The following ITPR1 variants were observed in gnomAD, a reference collection of about 807,000 sequenced individuals.
The protein encoded by ITPR1 is inositol 1,4,5-trisphosphate-gated calcium channel ITPR1.
ITPR1 carries 96 observed loss-of-function variants against 318.4 expected under a neutral mutation model. The observed-to-expected ratio is 0.30, with a 90% CI of 0.26 to 0.36. ITPR1 has a LOEUF of 0.36. ITPR1 is among the 10% of genes least tolerant of loss of function. ITPR1 has a pLI of 1.00. For missense variants in ITPR1, 2,440 were observed against 3,460.2 expected, an observed-to-expected ratio of 0.71 and a Z score of 7.40; for synonymous variants, 1,312 against 1,289.9, an observed-to-expected ratio of 1.02 and a Z score of -0.37.
chr3:4,756,090 G>A (rs2044952642), intron 44 of ITPR1, among the ~76,000 whole-genome samples: 1 of 152,188 alleles, frequency 6.6e-6, no homozygotes, highest in South Asian at 2.1e-4. Flanking sequence ...AATGCCCATT[G>A]TACTCACTAT....
chr3:4,561,042 T>C (rs565905699), intron 4 of ITPR1, among the ~76,000 whole-genome samples: 3 of 152,324 alleles, frequency 2.0e-5, no homozygotes, highest in African/African-American at 4.8e-5. Context: ...GAGATGTCCA[T>C]AGAACGAGGA....
intron 15 of ITPR1, 23 bp downstream of exon 15, chr3:4,662,265 C>A: frequency 1.3e-6 from 2 of 1,544,894 alleles, no homozygotes; most frequent in South Asian, 1.3e-5. Flanking sequence ...GCATGCTCAG[C>A]ACAGCCGCCC....
chr3:4,704,008 G>A (rs1158025974), intron 36 of ITPR1, among the ~76,000 whole-genome samples: 1 of 152,164 alleles, frequency 6.6e-6, no homozygotes, highest in Non-Finnish European at 1.5e-5. Flanking sequence ...TGTGGAAGTA[G>A]AAAGCCAAAT....
intron 6 of ITPR1, among the ~76,000 whole-genome samples, chr3:4,640,729 C>T (rs2093317911): frequency 6.6e-6 from 1 of 152,232 alleles, no homozygotes; most frequent in Non-Finnish European, 1.5e-5. Context: ...GTAATGGCAT[C>T]TGCTCTTTAG....
At chr3:4,636,814 T>G (rs894270460) in intron 5 of ITPR1, among the ~76,000 whole-genome samples, 12 of 152,262 alleles carry the variant, frequency 7.9e-5, no homozygotes, top group Non-Finnish European at 2.9e-5. Flanking sequence ...GCCTTTCATA[T>G]GTCTTTTGAC....
chr3:4,582,269 C>T (rs371856921), intron 4 of ITPR1, among the ~76,000 whole-genome samples: 5 of 152,206 alleles, frequency 3.3e-5, no homozygotes, highest in African/African-American at 1.2e-4. Context: ...TAGACTTGTT[C>T]GAACATGCCA....
rs1245929222 is a variant in ITPR1 at position 4,723,869 on chromosome 3, T to C, written c.5137-1677T>C. ...CTTCTGTCTATATCTCTGTCTGCTC[T>C]AAAATGCATGGGAAATTGCTTTAAT... On this transcript the variant is annotated intron_variant, in intron 40 of 61. Transcript: ENST00000649015. Among the ~76,000 whole-genome samples, 6 of 152,280 alleles carry C rather than the reference T, an allele frequency of 3.9e-5. No homozygotes were observed. The East Asian group carries it at 7.7e-4, about 20-fold the overall frequency.
intron 5 of ITPR1, among the ~76,000 whole-genome samples, chr3:4,634,553 T>C (rs1474752582): frequency 6.6e-6 from 1 of 152,134 alleles, no homozygotes; most frequent in Non-Finnish European, 1.5e-5. Context: ...GATGAAGGTG[T>C]TTTTGAAGAA....
chr3:4,764,854 T>TG (rs1224700937), intron 44 of ITPR1, among the ~76,000 whole-genome samples: 1 of 152,104 alleles, frequency 6.6e-6, no homozygotes, highest in African/African-American at 2.4e-5. Flanking sequence ...GTCAATTTCA[T>TG]GGGGGAAAGG....
At chr3:4,503,692 A>C (rs1408752352) in intron 2 of ITPR1, among the ~76,000 whole-genome samples, 2 of 151,934 alleles carry the variant, frequency 1.3e-5, no homozygotes, top group Non-Finnish European at 2.9e-5. Context: ...CTGCCCCACC[A>C]CACACACACG....
intron 42 of ITPR1, among the ~76,000 whole-genome samples, chr3:4,732,783 A>C (rs1190975998): frequency 6.6e-6 from 1 of 152,052 alleles, no homozygotes; most frequent in Non-Finnish European, 1.5e-5. Context: ...TTATCAACTT[A>C]CCCCAAAGAG....
rs1462654235 is a variant in ITPR1, at chr3:4,498,522, G to A, written c.-17+4016G>A. The stretch of plus-strand genomic sequence containing the variant: ...TTTGCAGGTCAACAGTGGTTTATCT[G>A]AGGACTTGTAAACTCTCACGGAATT... On this transcript the variant is annotated intron_variant, in intron 2 of 61. Transcript: ENST00000649015. 3.9e-5 allele frequency among the ~76,000 whole-genome samples: 6 copies of A among 152,320 alleles called. No homozygotes were observed. In the East Asian group the frequency reaches 1.2e-3, roughly 29 times the overall value.
chr3:4,766,407 TA>T, intron 44 of ITPR1, 122 bp from the exon 45 acceptor site: 1 of 736,378 alleles, frequency 1.4e-6, no homozygotes, highest in Non-Finnish European at 2.3e-6. Context: ...AATGTTGATC[TA>T]AACTTAGATC....
chr3:4,684,184 A>C, intron 28 of ITPR1, 97 bp from the exon 29 acceptor site: 2 of 788,430 alleles, frequency 2.5e-6, no homozygotes, highest in East Asian at 5.3e-5. Flanking sequence ...AACAGTATAG[A>C]ACTCCCTTTC....
chr3:4,647,483 G>A (rs576524901), intron 10 of ITPR1, among the ~76,000 whole-genome samples: 2 of 152,278 alleles, frequency 1.3e-5, no homozygotes, highest in Middle Eastern at 3.4e-3. Context: ...GTATGGTATG[G>A]CATGGTATAT....
intron 53 of ITPR1, among the ~76,000 whole-genome samples, chr3:4,799,288 T>C (rs564919540): frequency 5.2e-5 from 8 of 152,384 alleles, no homozygotes; most frequent in Non-Finnish European, 8.8e-5. Flanking sequence ...AAGCGGCACA[T>C]GTGCCTCAAT....
intron 49 of ITPR1, among the ~76,000 whole-genome samples, chr3:4,780,737 G>T (rs1359544901): frequency 6.6e-6 from 1 of 152,172 alleles, no homozygotes; most frequent in Non-Finnish European, 1.5e-5. Flanking sequence ...AGGCCTCTCT[G>T]AGTTTACATA....
At chr3:4,732,055 A>G (rs576236967) in intron 42 of ITPR1, among the ~76,000 whole-genome samples, 23 of 152,266 alleles carry the variant, frequency 1.5e-4, no homozygotes, top group African/African-American at 5.5e-4. Flanking sequence ...GAGTCCAGGG[A>G]AAATTTATAC....
intron 10 of ITPR1, among the ~76,000 whole-genome samples, chr3:4,646,941 T>C (rs1042318543): frequency 3.3e-5 from 5 of 152,118 alleles, no homozygotes; most frequent in African/African-American, 1.2e-4. Context: ...ATGTATAGTA[T>C]AGTAAAGTGC....
Sources: allele counts gnomAD v4.1 joint callset (sites outside exome capture counted in the v4.1 genomes callset), GRCh38; gene constraint gnomAD v4.1.1; transcripts MANE v1.5; gene names NCBI Gene and HGNC (gene_info 2026-07-23, HGNC 2026-07-21).